Variants in MFRP observed in about 807,000 individuals in gnomAD.
MFRP encodes the protein membrane frizzled-related protein, also known as C1q and TNF related 5.
Under a neutral mutation model 65.8 loss-of-function variants are expected in MFRP, and 74 were observed. That is an observed-to-expected ratio of 1.12 (90% CI 0.93 to 1.36). The LOEUF (loss-of-function observed/expected upper bound fraction) is 1.36. MFRP is among the 40% of genes most tolerant of loss of function. MFRP has a pLI of 0.00. For missense variants in MFRP, 838 were observed against 736.0 expected (o/e 1.14, Z -1.60); for synonymous variants, 336 against 288.3 (o/e 1.17, Z -1.68).
At position 119,344,056 on chromosome 11, in the gene MFRP, G is replaced by A; in HGVS notation, c.976-92C>T. On this transcript the variant is annotated intron_variant, in intron 8 of 14. Transcript: ENST00000619721. ...GGTCTTCTTCCCCCACTGCTGGCTG[G>A]GGGGATGGGGTGGTGCTTTCATCAT... is the stretch of plus-strand genomic sequence containing the variant. 6.6e-6 allele frequency: 10 copies of A among 1,515,142 alleles called. No homozygotes were observed. In the South Asian group the frequency reaches 1.0e-4, roughly 15 times the overall value. 93.9% of individuals were successfully genotyped at this position (1,515,142 alleles called of 1,614,324 possible). A position where few individuals can be genotyped will look rare whatever the true frequency, so the allele number is the denominator to read the frequency against.
intron 9 of MFRP, 147 bp from the exon 10 acceptor site, chr11:119,343,150 CACATATATTCA>C (rs2135369742): frequency 1.0e-6 from 1 of 985,610 alleles, no homozygotes; most frequent in East Asian, 2.6e-5. Context: ...GCGAGAAAGA[CACATATATTCA>C]ACAGGGAAAG....
At chr11:119,344,605 G>C in intron 7 of MFRP, 27 bp downstream of exon 7, 1 of 1,613,870 alleles carries the variant, frequency 6.2e-7, no homozygotes, top group Non-Finnish European at 8.5e-7. Flanking sequence ...GACGCCTGAA[G>C]AGAGGACCCC....
In MFRP at chr11:119,340,260, C is replaced by A. The variant is rs1591300261; in HGVS notation, c.*1034G>T. 1 of 1,519,968 alleles carries A rather than the reference C, an allele frequency of 6.6e-7. No homozygotes were observed. The highest frequency in any genetic ancestry group is 8.8e-7 in the Non-Finnish European group (1 of 1,136,520). The allele number at this position is 1,519,968 out of a possible 1,614,324, so 94.2% of individuals were successfully genotyped here. On this transcript the variant is annotated 3_prime_UTR_variant, in exon 14 of 15. Coordinates refer to ENST00000619721, the MANE Select transcript of MFRP (RefSeq NM_031433.4). ...GGCCGTCGCGGCCATCGCGGCCCGG[C>A]AAGCCCTGGCTGCCATGGTGGCCCG...
Position 119,341,462 on chromosome 11 carries a change from T to G in MFRP, c.*86A>C. 1 of 1,177,408 alleles carries G rather than the reference T, an allele frequency of 8.5e-7. No individual in the cohort carries two copies. The highest frequency in any genetic ancestry group is 1.2e-6 in the Non-Finnish European group (1 of 810,580). 72.9% of individuals were successfully genotyped at this position (1,177,408 alleles called of 1,614,324 possible). On this transcript the variant is annotated 3_prime_UTR_variant, in exon 13 of 15. Transcript: ENST00000619721. Reference sequence around the variant, plus strand: ...AGAGAAGGATGGGTAGAGACCCTGCTGATGCTCCTTCCTTTGTTCCCCTGC... The same window carrying G: ...AGAGAAGGATGGGTAGAGACCCTGCGGATGCTCCTTCCTTTGTTCCCCTGC...
In MFRP at chr11:119,340,172, G is replaced by C. The variant is rs1950486894; in HGVS notation, c.*1110+12C>G. The C allele has an allele frequency of 2.0e-6, 3 of 1,510,552 alleles. No individual in the cohort carries two copies. The Admixed American group carries it at 6.5e-5, about 33-fold the overall frequency. The allele number at this position is 1,510,552 out of a possible 1,614,324, so 93.6% of individuals were successfully genotyped here. ...GACATCGCCACCGATAGCCGCGGCGGTGCCTTCTTACCCGGCCTCCCGCCC... is the reference window on the plus strand; with the variant it reads ...GACATCGCCACCGATAGCCGCGGCGCTGCCTTCTTACCCGGCCTCCCGCCC... On this transcript the variant is annotated intron_variant, in intron 14 of 14. Transcript: ENST00000619721.
rs747438489 is a variant in MFRP, at chr11:119,340,196, C to T, written c.*1098G>A. 16 of 1,516,318 alleles carry T rather than the reference C, an allele frequency of 1.1e-5. 1 individual carries two copies. The South Asian group carries it at 1.9e-4, about 18-fold the overall frequency. 93.9% of individuals were successfully genotyped at this position (1,516,318 alleles called of 1,614,324 possible). A position where few individuals can be genotyped will look rare whatever the true frequency, so the allele number is the denominator to read the frequency against. On this transcript the variant is annotated 3_prime_UTR_variant, in exon 14 of 15. Coordinates refer to ENST00000619721, the MANE Select transcript of MFRP (RefSeq NM_031433.4). ...GGTGCCTTCTTACCCGGCCTCCCGCCCTCGCCTTTCTCTCCCGGAGCCCCG... is the reference window on the plus strand; with the variant it reads ...GGTGCCTTCTTACCCGGCCTCCCGCTCTCGCCTTTCTCTCCCGGAGCCCCG...
chr11:119,344,885 G>GTA lies in MFRP; in HGVS notation c.760_761insTA (p.Ala254ValfsTer53). ...GGGAACACACTCACCGCGCCCAGGGGCCATAGCCTGGTACCAGGCATGGAA... is the reference window on the plus strand; with the variant it reads ...GGGAACACACTCACCGCGCCCAGGGGTACCATAGCCTGGTACCAGGCATGGAA... On this transcript the variant is annotated frameshift_variant, in exon 6 of 15. Coordinates refer to ENST00000619721, the MANE Select transcript of MFRP (RefSeq NM_031433.4). LOFTEE classifies it high-confidence loss of function. 6.2e-7 allele frequency: 1 copy of GTA among 1,612,986 alleles called. No individual in the cohort carries two copies. Among genetic ancestry groups the GTA allele is most frequent in the Non-Finnish European group, 8.5e-7 (1 of 1,179,872 alleles).
At chr11:119,343,720 G>C (rs190559793) in intron 9 of MFRP, 96 bp downstream of exon 9, 2 of 1,501,550 alleles carry the variant, frequency 1.3e-6, no homozygotes, top group East Asian at 4.5e-5. Context: ...AGAAGAAAAT[G>C]AAGCTGGAGA....
intron 7 of MFRP, 33 bp downstream of exon 7, chr11:119,344,599 C>G (rs1241988236): frequency 1.2e-6 from 2 of 1,613,674 alleles, no homozygotes; most frequent in Admixed American, 3.3e-5. Flanking sequence ...AGATCAGACG[C>G]CTGAAGAGAG....
At position 119,345,623 on chromosome 11, in the gene MFRP, G is replaced by T. The variant is rs375311255; in HGVS notation, c.438C>A (p.Gly146=). 6.2e-7 allele frequency: 1 copy of T among 1,613,522 alleles called. No homozygotes were observed. The highest frequency in any genetic ancestry group is 1.3e-5 in the African/African-American group (1 of 74,910). ...VSPSPQSTCG[G]LLSGPRGFFS... The stretch of plus-strand genomic sequence containing the variant: ...AGAAGCCCCTTGGGCCAGAGAGGAG[G>T]CCTCCACAGGCTGCAGAGATGGAGG... The change falls in exon 5 of 15, where the codon GGC becomes GGA. Residue 146 remains glycine (G), a synonymous_variant. Transcript: ENST00000619721.
In MFRP at chr11:119,339,246, G is replaced by A. The variant is rs1950470385; in HGVS notation, c.*1713C>T. 1.4e-6 allele frequency: 2 copies of A among 1,457,316 alleles called. No homozygotes were observed. 90.3% of individuals were successfully genotyped at this position (1,457,316 alleles called of 1,614,324 possible). A position where few individuals can be genotyped will look rare whatever the true frequency, so the allele number is the denominator to read the frequency against. On this transcript the variant is annotated 3_prime_UTR_variant, in exon 15 of 15. Coordinates refer to ENST00000619721, the MANE Select transcript of MFRP (RefSeq NM_031433.4). The surrounding 1 kb of genome is among the most constrained non-coding windows in gnomAD (Gnocchi z 5.4). Reference sequence around the variant, plus strand: ...CCCTAGTCATTCACAATATTCCAGGGGGGCCAGCCCTCCTGGATGACCTGG... The same window carrying A: ...CCCTAGTCATTCACAATATTCCAGGAGGGCCAGCCCTCCTGGATGACCTGG...
chr11:119,345,654 G>C, intron 4 of MFRP, 21 bp from the exon 5 acceptor site: 1 of 1,613,258 alleles, frequency 6.2e-7, no homozygotes, highest in Non-Finnish European at 8.5e-7. Flanking sequence ...GGAGGTTAGA[G>C]TTCAGAGGTC....
At chr11:119,345,298 G>T in intron 5 of MFRP, 122 bp downstream of exon 5, 1 of 1,026,214 alleles carries the variant, frequency 9.7e-7, no homozygotes, top group Non-Finnish European at 1.5e-6. Context: ...GCAGAGCTGG[G>T]CCCAGAGGTC....
Position 119,344,771 on chromosome 11 carries a change from C to T in MFRP, c.773-14G>A, listed in dbSNP as rs746639021. 2.5e-6 allele frequency: 4 copies of T among 1,613,744 alleles called. No individual in the cohort carries two copies. Among genetic ancestry groups the T allele is most frequent in the Non-Finnish European group, 8.5e-7 (1 of 1,180,018 alleles). ...GGGCACAGCTCCCTGGATGTGGGCA[C>T]CAGGAGTCAGGGAGGCCCGGAGTCT... On this transcript the variant is annotated splice_polypyrimidine_tract_variant and intron_variant, in intron 6 of 14. Coordinates refer to ENST00000619721, the MANE Select transcript of MFRP (RefSeq NM_031433.4).
Position 119,339,869 on chromosome 11 carries a change from C to T in MFRP, c.*1111-21G>A, listed in dbSNP as rs1222210665. 1 of 1,456,462 alleles carries T rather than the reference C, an allele frequency of 6.9e-7. No homozygotes were observed. The highest frequency in any genetic ancestry group is 1.4e-5 in the African/African-American group (1 of 70,208). The allele number at this position is 1,456,462 out of a possible 1,614,324, so 90.2% of individuals were successfully genotyped here. On this transcript the variant is annotated intron_variant, in intron 14 of 14. Coordinates refer to ENST00000619721, the MANE Select transcript of MFRP (RefSeq NM_031433.4). The surrounding 1 kb of genome is among the most constrained non-coding windows in gnomAD (Gnocchi z 5.4). Reference sequence around the variant, plus strand: ...CAGTCCTGCGGGGTAAGCGGGGCGGCAGGGTGAGAGTAGCGGCGGCTCAGC... The same window carrying T: ...CAGTCCTGCGGGGTAAGCGGGGCGGTAGGGTGAGAGTAGCGGCGGCTCAGC...
chr11:119,340,129 T>A (rs1950486195), intron 14 of MFRP, 55 bp downstream of exon 14: 1 of 1,482,462 alleles, frequency 6.7e-7, no homozygotes. Flanking sequence ...GAGCTGGAGC[T>A]GCGGCCGCGC....
intron 7 of MFRP, 112 bp downstream of exon 7, chr11:119,344,520 T>C (rs1480735844): frequency 1.3e-6 from 2 of 1,592,516 alleles, no homozygotes; most frequent in South Asian, 1.1e-5. Flanking sequence ...AAAGAATGAC[T>C]GAGCAGGAAA....
Position 119,341,626 on chromosome 11 carries a change from T to TG in MFRP, c.1661dup (p.Leu555ThrfsTer18). 1 of 1,612,928 alleles carries TG rather than the reference T, an allele frequency of 6.2e-7. No homozygotes were observed. The highest frequency in any genetic ancestry group is 1.1e-5 in the South Asian group (1 of 91,082). On this transcript the variant is annotated frameshift_variant, in exon 13 of 15. Transcript: ENST00000619721. LOFTEE classifies it high-confidence loss of function. ...TGAAGGGCCAGGGGGTGCCCAGTAG[T>TG]GCCAGGCCAGACTGGCACTGGTGCT... is the stretch of plus-strand genomic sequence containing the variant.
At chr11:119,341,807 C>A in intron 12 of MFRP, 35 bp from the exon 13 acceptor site, 1 of 1,613,516 alleles carries the variant, frequency 6.2e-7, no homozygotes. Context: ...GCACCTGCTC[C>A]CAGGCTCCTC....
Sources: gnomAD v4.1 joint callset for allele counts on GRCh38, gnomAD v4.1.1 for gene constraint, Gnocchi (gnomAD v3.1) non-coding constraint, MANE v1.5 for transcripts, NCBI Gene and HGNC (gene_info 2026-07-23, HGNC 2026-07-21) for gene names.